THSD7A: variants seen among roughly 807,000 people sequenced by gnomAD.
THSD7A encodes thrombospondin type-1 domain-containing protein 7A.
Under a neutral mutation model 231.3 loss-of-function variants are expected in THSD7A, and 96 were observed. The observed-to-expected ratio is 0.41, with a 90% CI of 0.35 to 0.49. THSD7A has a LOEUF of 0.49. THSD7A is among the 20% of genes least tolerant of loss of function. The pLI is 0.05. For synonymous variants in THSD7A, 940 were observed against 743.3 expected, an observed-to-expected ratio of 1.26 and a Z score of -4.30; for missense variants, 2,290 against 2,070.2, an observed-to-expected ratio of 1.11 and a Z score of -2.06.
At chr7:11,475,940 T>TA (rs1786154190) in intron 7 of THSD7A, among the ~76,000 whole-genome samples, 1 of 145,562 alleles carries the variant, frequency 6.9e-6, no homozygotes, top group Admixed American at 6.8e-5. Flanking sequence ...CTTTCCTTTT[T>TA]TTTTTTTTTT....
rs192528944 is a variant in THSD7A, at chr7:11,801,534, C to T, written c.190+30223G>A. 1.5e-4 allele frequency among the ~76,000 whole-genome samples: 23 copies of T among 152,246 alleles called. No homozygotes were observed. In the East Asian group the frequency reaches 4.3e-3, roughly 28 times the overall value. ...CCTGGTGCATATGAGTTCAAAAGTT[C>T]CAGAACCCCTCAAAATATCGTGGAT... On this transcript the variant is annotated intron_variant, in intron 1 of 27. Transcript: ENST00000423059.
chr7:11,637,806 T>C lies in THSD7A; in HGVS notation c.191-845A>G, dbSNP rs1781928073. On this transcript the variant is annotated intron_variant, in intron 1 of 27. Transcript: ENST00000423059. This position sits in a 1 kb window ranked among gnomAD's most constrained non-coding sequence, Gnocchi z 4.2. ...GGGTTTTTTTCTGTGAAATCCTTCT[T>C]AGAATAAACTTTATATTCACATATA... 1.3e-5 allele frequency among the ~76,000 whole-genome samples: 2 copies of C among 152,214 alleles called. No homozygotes were observed. Among genetic ancestry groups the C allele is most frequent in the Non-Finnish European group, 2.9e-5 (2 of 68,032 alleles).
At chr7:11,556,464 A>C (rs1789851003) in intron 4 of THSD7A, among the ~76,000 whole-genome samples, 1 of 151,856 alleles carries the variant, frequency 6.6e-6, no homozygotes, top group Middle Eastern at 3.2e-3. Flanking sequence ...GAATCATATC[A>C]GGTAGCAGTG....
intron 6 of THSD7A, among the ~76,000 whole-genome samples, chr7:11,513,770 A>T (rs1268162186): frequency 6.6e-6 from 1 of 152,188 alleles, no homozygotes; most frequent in Non-Finnish European, 1.5e-5. Flanking sequence ...GTGCACTTTA[A>T]AATGGTTACT....
At chr7:11,769,133 A>ATT (rs1783129368) in intron 1 of THSD7A, among the ~76,000 whole-genome samples, 1 of 35,748 alleles carries the variant, frequency 2.8e-5, no homozygotes, top group Non-Finnish European at 6.2e-5. Flanking sequence ...ATATATATAT[A>ATT]TATATATATA....
At position 11,609,832 on chromosome 7, in the gene THSD7A, A is replaced by AT. The variant is rs57982911; in HGVS notation, c.1023-16331dup. Among the ~76,000 whole-genome samples the AT allele has an allele frequency of 2.7e-3, 407 of 152,010 alleles. 17 individuals carry two copies. In the East Asian group the frequency reaches 0.069, roughly 26 times the overall value. ...AATCAAATGTTATGCTGCTAAAATC[A>AT]TTTTTTTTAATCACTGGAAGAAAAA... On this transcript the variant is annotated intron_variant, in intron 2 of 27. Transcript: ENST00000423059.
chr7:11,737,616 G>A (rs903650550), intron 1 of THSD7A, among the ~76,000 whole-genome samples: 1 of 151,914 alleles, frequency 6.6e-6, no homozygotes, highest in Admixed American at 6.6e-5. Flanking sequence ...TAAGGACAGG[G>A]ATCCAAACTT....
intron 15 of THSD7A, among the ~76,000 whole-genome samples, chr7:11,426,347 T>A (rs1465633011): frequency 6.6e-6 from 1 of 152,128 alleles, no homozygotes; most frequent in Non-Finnish European, 1.5e-5. Context: ...TTTTTCCTTC[T>A]CCCTCTGAAA....
At chr7:11,476,318 T>TACACACACACAC (rs59127235) in intron 7 of THSD7A, among the ~76,000 whole-genome samples, 51 of 137,392 alleles carry the variant, frequency 3.7e-4, no homozygotes, top group East Asian at 1.1e-3. Context: ...CTCTGGAAGA[T>TACACACACACAC]ACACACACAC....
intron 23 of THSD7A, among the ~76,000 whole-genome samples, chr7:11,398,472 A>G (rs1328366154): frequency 6.6e-6 from 1 of 152,144 alleles, no homozygotes; most frequent in Non-Finnish European, 1.5e-5. Flanking sequence ...GCAGCAAATC[A>G]CCATGGCATG....
At chr7:11,815,816 A>C (rs868287529) in intron 1 of THSD7A, among the ~76,000 whole-genome samples, 1 of 152,176 alleles carries the variant, frequency 6.6e-6, no homozygotes. Context: ...TATTATGAAA[A>C]GACTGTGTCA....
intron 14 of THSD7A, among the ~76,000 whole-genome samples, chr7:11,427,580 C>T (rs948551985): frequency 2.0e-5 from 3 of 152,108 alleles, no homozygotes; most frequent in Non-Finnish European, 2.9e-5. Flanking sequence ...GCATATCTGA[C>T]TGGGTGTACA....
chr7:11,496,718 G>A (rs1204633446), intron 6 of THSD7A, among the ~76,000 whole-genome samples: 1 of 152,152 alleles, frequency 6.6e-6, no homozygotes, highest in Non-Finnish European at 1.5e-5. Context: ...ACTTCTACAA[G>A]TAAGGAAACT....
intron 1 of THSD7A, among the ~76,000 whole-genome samples, chr7:11,677,574 AAATGGAAAGC>A (rs1252849853): frequency 1.5e-5 from 2 of 130,694 alleles, no homozygotes; most frequent in African/African-American, 6.2e-5. Flanking sequence ...TTGACCAAGC[AAATGGAAAGC>A]AAAAAAAAAA....
chr7:11,705,424 G>A (rs1432460942), intron 1 of THSD7A, among the ~76,000 whole-genome samples: 2 of 150,908 alleles, frequency 1.3e-5, no homozygotes, highest in Non-Finnish European at 3.0e-5. Context: ...TCTACTTCTG[G>A]AAGTTGACTC....
chr7:11,580,589 G>A (rs1407001510), intron 4 of THSD7A, among the ~76,000 whole-genome samples: 12 of 152,166 alleles, frequency 7.9e-5, no homozygotes, highest in Admixed American at 5.9e-4. Context: ...GCAGGGACAT[G>A]GATGGAGCTG....
chr7:11,754,670 G>C (rs1225472665), intron 1 of THSD7A, among the ~76,000 whole-genome samples: 1 of 151,946 alleles, frequency 6.6e-6, no homozygotes, highest in Non-Finnish European at 1.5e-5. Context: ...ATCTGTACAA[G>C]TGCAATCTTT....
intron 1 of THSD7A, among the ~76,000 whole-genome samples, chr7:11,804,598 C>T (rs1307480313): frequency 1.3e-5 from 2 of 152,176 alleles, no homozygotes; most frequent in Non-Finnish European, 2.9e-5. Flanking sequence ...GCATGGGTTA[C>T]ATTGACCAAC....
At chr7:11,619,034 A>G (rs976400889) in intron 2 of THSD7A, among the ~76,000 whole-genome samples, 1 of 152,064 alleles carries the variant, frequency 6.6e-6, no homozygotes, top group Non-Finnish European at 1.5e-5. Context: ...GTCTATTTCC[A>G]TTGTGTATAA....
Sources: allele counts gnomAD v4.1 joint callset (sites outside exome capture counted in the v4.1 genomes callset), GRCh38; gene constraint gnomAD v4.1.1; non-coding constraint Gnocchi (gnomAD v3.1); transcripts MANE v1.5; gene names NCBI Gene and HGNC (gene_info 2026-07-23, HGNC 2026-07-21).